The following KHDRBS3 variants were observed in gnomAD, a reference collection of about 807,000 sequenced individuals.
KHDRBS3 encodes KH RNA binding domain containing, signal transduction associated 3.
Under a neutral mutation model 45.6 loss-of-function variants are expected in KHDRBS3, and 23 were observed. That is an observed-to-expected ratio of 0.50 (90% CI 0.36 to 0.72). KHDRBS3 has a LOEUF of 0.72. Among genes scored for constraint, KHDRBS3 ranks in the 30% least tolerant of loss-of-function variants. The probability of loss-of-function intolerance (pLI) is 0.00; values close to 1 mark genes in which losing one functional copy is unlikely to be tolerated. For synonymous variants in KHDRBS3, 162 were observed against 156.5 expected, an observed-to-expected ratio of 1.04 and a Z score of -0.26; for missense variants, 352 against 424.8, an observed-to-expected ratio of 0.83 and a Z score of 1.51.
At chr8:135,593,723 C>T (rs1171958077) in intron 6 of KHDRBS3, among the ~76,000 whole-genome samples, 4 of 152,320 alleles carry the variant, frequency 2.6e-5, no homozygotes, top group Admixed American at 6.5e-5. Flanking sequence ...AGCAACCCTC[C>T]TGCCTCGGCT....
At chr8:135,599,999 T>C (rs1034147018) in intron 6 of KHDRBS3, among the ~76,000 whole-genome samples, 2 of 133,922 alleles carry the variant, frequency 1.5e-5, no homozygotes, top group African/African-American at 5.5e-5. Context: ...GGCACCTCCC[T>C]CACAGCACCA....
chr8:135,568,038 G>A (rs1827514282), intron 5 of KHDRBS3, among the ~76,000 whole-genome samples: 1 of 152,158 alleles, frequency 6.6e-6, no homozygotes, highest in African/African-American at 2.4e-5. Flanking sequence ...TTTCCCCTGA[G>A]GAGTCAAAGC....
In KHDRBS3 at chr8:135,520,073, G is replaced by A. The variant is rs548576064; in HGVS notation, c.89-1164G>A. ...CTTAACCTTTGCCATTTATTGTGAA[G>A]TCACCTCTTTGAACCTCCTCTTTGT... On this transcript the variant is annotated intron_variant, in intron 1 of 8. Coordinates refer to ENST00000355849, the MANE Select transcript of KHDRBS3 (RefSeq NM_006558.3). Among the ~76,000 whole-genome samples, 83 of 152,354 alleles carry A rather than the reference G, an allele frequency of 5.4e-4. 1 individual carries two copies. The South Asian group carries it at 0.017, about 31-fold the overall frequency.
intron 5 of KHDRBS3, among the ~76,000 whole-genome samples, chr8:135,577,105 C>T (rs534835012): frequency 5.0e-5 from 7 of 138,972 alleles, no homozygotes; most frequent in East Asian, 5.4e-4. Context: ...TGCTTATTTA[C>T]GGTTTTTTTT....
intron 4 of KHDRBS3, chr8:135,549,401 A>G (rs997347917): frequency 1.3e-5 from 2 of 152,258 alleles, no homozygotes; most frequent in Non-Finnish European, 2.9e-5. Context: ...AGACATAACC[A>G]TAATGAGCCC....
At chr8:135,523,225 G>A (rs1433125266) in intron 2 of KHDRBS3, among the ~76,000 whole-genome samples, 3 of 152,024 alleles carry the variant, frequency 2.0e-5, no homozygotes, top group Non-Finnish European at 2.9e-5. Context: ...AATTGCAATC[G>A]CATTGCATCT....
chr8:135,647,054 C>A lies in KHDRBS3; in HGVS notation c.1011C>A (p.Val337=). The A allele has an allele frequency of 6.2e-7, 1 of 1,608,102 alleles. No homozygotes were observed. The highest frequency in any genetic ancestry group is 8.5e-7 in the Non-Finnish European group (1 of 1,174,658). The part of the protein sequence containing the change: ...KAPSARTAKG[V]YRDQPYGRY ...CTTCAGCGAGGACAGCAAAGGGCGT[C>A]TACAGAGACCAGCCATATGGCAGAT... Residue 337 remains valine, a synonymous_variant, in exon 9 of 9, where the codon GTC becomes GTA. Coordinates refer to ENST00000355849, the MANE Select transcript of KHDRBS3 (RefSeq NM_006558.3).
At chr8:135,506,815 G>A (rs566163212) in intron 1 of KHDRBS3, among the ~76,000 whole-genome samples, 8 of 151,798 alleles carry the variant, frequency 5.3e-5, no homozygotes, top group African/African-American at 1.9e-4. Flanking sequence ...TCTATCTTTG[G>A]TCCTAATTGT....
At chr8:135,556,566 T>G (rs1380283029) in intron 4 of KHDRBS3, among the ~76,000 whole-genome samples, 1 of 152,200 alleles carries the variant, frequency 6.6e-6, no homozygotes, top group Non-Finnish European at 1.5e-5. Context: ...CTTTGCCCAT[T>G]TTTTGATGGG....
chr8:135,476,089 C>A (rs1355795901), intron 1 of KHDRBS3, among the ~76,000 whole-genome samples: 2 of 152,108 alleles, frequency 1.3e-5, no homozygotes, highest in Admixed American at 1.3e-4. Flanking sequence ...GTCAAAATGA[C>A]CAGGTAGTTA....
intron 4 of KHDRBS3, among the ~76,000 whole-genome samples, chr8:135,655,723 G>A (rs1013320862): frequency 6.3e-5 from 8 of 127,468 alleles, no homozygotes; most frequent in Non-Finnish European, 1.4e-4. Flanking sequence ...GCTGCGATTG[G>A]GTTTTTTGTT....
chr8:135,510,131 T>C (rs1281036838), intron 1 of KHDRBS3, among the ~76,000 whole-genome samples: 1 of 151,608 alleles, frequency 6.6e-6, no homozygotes, highest in African/African-American at 2.4e-5. Flanking sequence ...AGGCATGCAC[T>C]ACCATGCCTA....
chr8:135,512,996 A>T (rs9644458), intron 1 of KHDRBS3, among the ~76,000 whole-genome samples: 5 of 151,348 alleles, frequency 3.3e-5, no homozygotes, highest in Admixed American at 3.3e-4. Flanking sequence ...GCGGATGACA[A>T]GGTCAGGAGA....
At chr8:135,512,733 A>C (rs2130593907) in intron 1 of KHDRBS3, among the ~76,000 whole-genome samples, 1 of 152,384 alleles carries the variant, frequency 6.6e-6, no homozygotes, top group South Asian at 2.1e-4. Flanking sequence ...GAATATAACA[A>C]AAATGAATAA....
intron 1 of KHDRBS3, among the ~76,000 whole-genome samples, chr8:135,501,629 A>C (rs2130508151): frequency 6.6e-6 from 1 of 152,338 alleles, no homozygotes; most frequent in African/African-American, 2.4e-5. Flanking sequence ...TAAGATTTAT[A>C]ACTTTTTACC....
intron 8 of KHDRBS3, among the ~76,000 whole-genome samples, chr8:135,646,191 A>T (rs956047524): frequency 6.6e-6 from 1 of 151,954 alleles, no homozygotes; most frequent in Non-Finnish European, 1.5e-5. Context: ...GTCTCTGTGG[A>T]CACATGGCTT....
chr8:135,588,854 C>T (rs977603599), intron 6 of KHDRBS3, among the ~76,000 whole-genome samples: 1 of 152,142 alleles, frequency 6.6e-6, no homozygotes, highest in Non-Finnish European at 1.5e-5. Flanking sequence ...TCCCTGAATG[C>T]CCTATAAGCA....
chr8:135,618,692 A>G (rs949345307), intron 7 of KHDRBS3, among the ~76,000 whole-genome samples: 5 of 152,196 alleles, frequency 3.3e-5, no homozygotes, highest in Admixed American at 1.3e-4. Context: ...AGTCAATTCC[A>G]AAGTATATTA....
intron 1 of KHDRBS3, among the ~76,000 whole-genome samples, chr8:135,520,009 G>A (rs1824826941): frequency 6.6e-6 from 1 of 152,154 alleles, no homozygotes; most frequent in South Asian, 2.1e-4. Context: ...GACTGCACAG[G>A]CACCTTGTCT....
Sources: gnomAD v4.1 joint callset for allele counts (sites outside exome capture counted in the v4.1 genomes callset) on GRCh38, gnomAD v4.1.1 for gene constraint, MANE v1.5 for transcripts, NCBI Gene and HGNC (gene_info 2026-07-23, HGNC 2026-07-21) for gene names.